The following GRIP1 variants were observed in gnomAD, a reference collection of about 807,000 sequenced individuals.
GRIP1 encodes glutamate receptor-interacting protein 1.
In GRIP1, 45 loss-of-function variants were observed where a neutral mutation model predicts 129.9. That is an observed-to-expected ratio of 0.35 (90% CI 0.27 to 0.44). The LOEUF (loss-of-function observed/expected upper bound fraction) is 0.44, where lower values mean the gene tolerates loss of function less well. Among genes scored for constraint, GRIP1 ranks in the 20% least tolerant of loss-of-function variants. The probability of loss-of-function intolerance (pLI) is 1.00; values close to 1 mark genes in which losing one functional copy is unlikely to be tolerated. For missense variants in GRIP1, 1,196 were observed against 1,396.8 expected (o/e 0.86, Z 2.29); for synonymous variants, 530 against 520.8 (o/e 1.02, Z -0.24).
chr12:67,068,317 G>A (rs1029628887), intron 1 of GRIP1, among the ~76,000 whole-genome samples: 1 of 152,178 alleles, frequency 6.6e-6, no homozygotes, highest in African/African-American at 2.4e-5. Flanking sequence ...AAGGCACCAG[G>A]CAGAGAGCCG....
intron 1 of GRIP1, among the ~76,000 whole-genome samples, chr12:66,908,126 G>A (rs2040965470): frequency 6.6e-6 from 1 of 152,076 alleles, no homozygotes; most frequent in African/African-American, 2.4e-5. Flanking sequence ...ACATCAAATG[G>A]AAGATATGAT....
At chr12:66,756,901 A>G (rs1410406644) in intron 1 of GRIP1, among the ~76,000 whole-genome samples, 1 of 152,170 alleles carries the variant, frequency 6.6e-6, no homozygotes, top group East Asian at 1.9e-4. Context: ...GATAACCGCC[A>G]CTATCTCAGT....
intron 1 of GRIP1, among the ~76,000 whole-genome samples, chr12:67,027,339 AT>A (rs955339818): frequency 1.3e-5 from 2 of 152,184 alleles, no homozygotes; most frequent in Admixed American, 6.5e-5. Context: ...CTGGCTTGTG[AT>A]AGTTGTCTGT....
In GRIP1 at chr12:66,720,526, A is replaced by T. The variant is rs1484738829; in HGVS notation, c.-420+83527T>A. Among the ~76,000 whole-genome samples, 3 of 152,268 alleles carry T rather than the reference A, an allele frequency of 2.0e-5. No homozygotes were observed. The East Asian group carries it at 5.8e-4, about 29-fold the overall frequency. On this transcript the variant is annotated intron_variant, in intron 1 of 4. Transcript: ENST00000538373. ...ATGATAGTATTTTACCCACAGTAGA[A>T]CTTCTTTCAAAATTGTAGTCAATCC...
intron 1 of GRIP1, among the ~76,000 whole-genome samples, chr12:66,664,765 A>C (rs914390238): frequency 6.6e-6 from 1 of 152,210 alleles, no homozygotes; most frequent in Non-Finnish European, 1.5e-5. Flanking sequence ...CAATTATGAT[A>C]AGCATGAAAT....
intron 2 of GRIP1, among the ~76,000 whole-genome samples, chr12:66,578,808 T>G (rs749989657): frequency 6.6e-6 from 1 of 152,206 alleles, no homozygotes; most frequent in Non-Finnish European, 1.5e-5. Flanking sequence ...CCTGCCTCCG[T>G]AGGCTCCACC....
chr12:66,826,933 T>C (rs1342512550), intron 1 of GRIP1, among the ~76,000 whole-genome samples: 2 of 152,132 alleles, frequency 1.3e-5, no homozygotes, highest in African/African-American at 4.8e-5. Context: ...GGGAAATCAA[T>C]AATATACATC....
intron 23 of GRIP1, 48 bp from the exon 24 acceptor site, chr12:66,353,611 T>C: frequency 6.5e-7 from 1 of 1,548,798 alleles, no homozygotes; most frequent in Non-Finnish European, 8.9e-7. Flanking sequence ...GTGGAGACTT[T>C]TCCTTCTGCA....
At chr12:66,465,899 A>T (rs1423049441) in intron 7 of GRIP1, among the ~76,000 whole-genome samples, 2 of 152,176 alleles carry the variant, frequency 1.3e-5, no homozygotes, top group African/African-American at 4.8e-5. Context: ...GAAGGGAGGA[A>T]GGGAGGAAGA....
intron 1 of GRIP1, among the ~76,000 whole-genome samples, chr12:66,781,317 G>A (rs148332251): frequency 6.6e-6 from 1 of 152,276 alleles, no homozygotes; most frequent in East Asian, 1.9e-4. Flanking sequence ...GCCAGGGGAA[G>A]TCTGTTTTTG....
At chr12:66,847,934 A>G (rs2039847442) in intron 1 of GRIP1, among the ~76,000 whole-genome samples, 1 of 152,192 alleles carries the variant, frequency 6.6e-6, no homozygotes, top group Non-Finnish European at 1.5e-5. Flanking sequence ...TTTAGATAAA[A>G]CATTTATTTA....
chr12:66,914,945 A>G (rs1396880497), intron 1 of GRIP1, among the ~76,000 whole-genome samples: 3 of 152,136 alleles, frequency 2.0e-5, no homozygotes, highest in Non-Finnish European at 4.4e-5. Context: ...GGCAACACAG[A>G]GTGACCCCGC....
At chr12:66,742,150 T>C (rs762255210) in intron 1 of GRIP1, among the ~76,000 whole-genome samples, 7 of 152,138 alleles carry the variant, frequency 4.6e-5, no homozygotes, top group Non-Finnish European at 1.0e-4. Flanking sequence ...TTCTCTGAGG[T>C]TTAGTACTGA....
intron 15 of GRIP1, among the ~76,000 whole-genome samples, chr12:66,410,477 C>CA (rs34277777): frequency 0.015 from 2,054 of 132,664 alleles, 79 homozygotes; most frequent in Admixed American, 0.089. Flanking sequence ...ACTAAAAATA[C>CA]AAAAAAAAAA....
At chr12:66,615,944 C>T (rs1358972605) in intron 1 of GRIP1, among the ~76,000 whole-genome samples, 4 of 152,154 alleles carry the variant, frequency 2.6e-5, no homozygotes, top group Non-Finnish European at 4.4e-5. Context: ...TGCATCTGGC[C>T]TTAAATGGCA....
chr12:66,559,613 AAAG>A (rs1485857786), intron 2 of GRIP1, among the ~76,000 whole-genome samples: 2 of 152,144 alleles, frequency 1.3e-5, no homozygotes, highest in Non-Finnish European at 2.9e-5. Flanking sequence ...CTAGGAATTA[AAAG>A]AAGTGAAAGG....
intron 3 of GRIP1, among the ~76,000 whole-genome samples, chr12:66,540,299 C>T (rs1216114090): frequency 6.6e-6 from 1 of 152,186 alleles, no homozygotes; most frequent in East Asian, 1.9e-4. Flanking sequence ...ATGGTAGTGC[C>T]TTTAACAGTG....
intron 1 of GRIP1, among the ~76,000 whole-genome samples, chr12:66,635,388 T>G (rs1428354440): frequency 6.6e-6 from 1 of 151,658 alleles, no homozygotes; most frequent in African/African-American, 2.4e-5. Flanking sequence ...CATACCATTG[T>G]ACTCTAGCCT....
chr12:66,989,158 A>G (rs749828547), intron 1 of GRIP1, among the ~76,000 whole-genome samples: 2 of 152,206 alleles, frequency 1.3e-5, no homozygotes. Flanking sequence ...TGTCATTCCC[A>G]AGGGTCACAG....
Sources: allele counts gnomAD v4.1 joint callset (sites outside exome capture counted in the v4.1 genomes callset), GRCh38; gene constraint gnomAD v4.1.1; transcripts MANE v1.5; gene names NCBI Gene and HGNC (gene_info 2026-07-23, HGNC 2026-07-21).